PLXDC2: variants seen among roughly 807,000 people sequenced by gnomAD.
PLXDC2 encodes the protein plexin domain-containing protein 2.
A neutral mutation model predicts 68.9 loss-of-function variants in PLXDC2; 40 were observed. That is an observed-to-expected ratio of 0.58 (90% confidence interval 0.45 to 0.76). The LOEUF (loss-of-function observed/expected upper bound fraction) is 0.76, where lower values mean the gene tolerates loss of function less well. Among genes scored for constraint, PLXDC2 ranks in the 30% least tolerant of loss-of-function variants. PLXDC2 has a pLI of 0.00. For missense variants in PLXDC2, 644 were observed against 661.9 expected (o/e 0.97, Z 0.30); for synonymous variants, 243 against 234.2 (o/e 1.04, Z -0.34).
At chr10:20,247,752 C>G (rs1056481940) in intron 13 of PLXDC2, among the ~76,000 whole-genome samples, 22 of 152,192 alleles carry the variant, frequency 1.4e-4, no homozygotes, top group African/African-American at 5.3e-4. Context: ...AAATCACTTA[C>G]ATTTCCTTTG....
intron 12 of PLXDC2, among the ~76,000 whole-genome samples, chr10:20,244,701 T>C (rs569375408): frequency 1.1e-4 from 16 of 152,336 alleles, no homozygotes; most frequent in Non-Finnish European, 2.2e-4. Flanking sequence ...TTTCCATAGG[T>C]AACTTTGGTG....
chr10:20,035,036 T>G (rs1298320321), intron 2 of PLXDC2, among the ~76,000 whole-genome samples: 1 of 152,224 alleles, frequency 6.6e-6, no homozygotes, highest in African/African-American at 2.4e-5. Flanking sequence ...CTAATAGCAT[T>G]TTATAGTTTC....
intron 6 of PLXDC2, among the ~76,000 whole-genome samples, chr10:20,159,560 G>A (rs1238148888): frequency 1.3e-5 from 2 of 152,036 alleles, no homozygotes; most frequent in East Asian, 1.9e-4. Context: ...AGCAGCCAGC[G>A]TGATATTTTT....
At chr10:19,944,813 G>A (rs1833874884) in intron 1 of PLXDC2, among the ~76,000 whole-genome samples, 1 of 152,122 alleles carries the variant, frequency 6.6e-6, no homozygotes, top group Non-Finnish European at 1.5e-5. Context: ...ATAGCCAGGT[G>A]TGGTGGTGGG....
chr10:19,945,869 CT>C (rs762286231), intron 1 of PLXDC2, among the ~76,000 whole-genome samples: 1 of 152,178 alleles, frequency 6.6e-6, no homozygotes, highest in Non-Finnish European at 1.5e-5. Flanking sequence ...TTATATTATG[CT>C]GTTCTCTGTT....
At chr10:20,195,876 G>T (rs2131843344) in intron 9 of PLXDC2, among the ~76,000 whole-genome samples, 1 of 152,154 alleles carries the variant, frequency 6.6e-6, no homozygotes, top group East Asian at 1.9e-4. Context: ...AAAATCTACT[G>T]GTGACAGGAC....
rs900083384 is a variant in PLXDC2, at chr10:19,850,262, C to A, written c.112+33071C>A. ...TTATCTAACCTAGGAGAAAACTGCA[C>A]CTGCCTAACTGATAGGTTTTTTTTT... On this transcript the variant is annotated intron_variant, in intron 1 of 13. Coordinates refer to ENST00000377252, the MANE Select transcript of PLXDC2 (RefSeq NM_032812.9). Among the ~76,000 whole-genome samples the A allele has an allele frequency of 4.7e-5, 7 of 148,080 alleles. 1 individual carries two copies. The highest frequency in any genetic ancestry group is 1.8e-4 in the African/African-American group (7 of 38,788).
In PLXDC2 at chr10:20,030,095, T is replaced by C. The variant is rs7910811; in HGVS notation, c.325-16774T>C. Among the ~76,000 whole-genome samples, 430 of 152,264 alleles carry C rather than the reference T, an allele frequency of 2.8e-3. 6 individuals are homozygous for C. The highest frequency in any genetic ancestry group is 8.8e-3 in the African/African-American group (365 of 41,550). Reference sequence around the variant, plus strand: ...AAATGGATGCTACTTAAGAGTATTATGAAATAATGTCTCAACAAAGTGAAA... The same window carrying C: ...AAATGGATGCTACTTAAGAGTATTACGAAATAATGTCTCAACAAAGTGAAA... On this transcript the variant is annotated intron_variant, in intron 2 of 13. Coordinates refer to ENST00000377252, the MANE Select transcript of PLXDC2 (RefSeq NM_032812.9).
chr10:20,162,818 C>T (rs1834322668), intron 6 of PLXDC2, among the ~76,000 whole-genome samples: 1 of 149,410 alleles, frequency 6.7e-6, no homozygotes, highest in Admixed American at 6.8e-5. Flanking sequence ...AATCCCAGCA[C>T]TTTGGGAGGC....
Position 19,975,293 on chromosome 10 carries a change from A to C in PLXDC2, c.113-26482A>C, listed in dbSNP as rs59013640. ...CACGGTGAAACCCCGTCTCTACTAA[A>C]AAAAAATACAAAAAATTAGCTGGGC... On this transcript the variant is annotated intron_variant, in intron 1 of 13. Transcript: ENST00000377252. Among the ~76,000 whole-genome samples, 1,219 of 151,978 alleles carry C rather than the reference A, an allele frequency of 8.0e-3. 22 individuals carry two copies. Among genetic ancestry groups the C allele is most frequent in the African/African-American group, 0.028 (1,155 of 41,466 alleles).
chr10:19,909,891 G>A (rs917010063), intron 1 of PLXDC2, among the ~76,000 whole-genome samples: 3 of 152,148 alleles, frequency 2.0e-5, no homozygotes, highest in Admixed American at 1.3e-4. Context: ...TATGTTCAAT[G>A]TATTTCTAGA....
At chr10:20,207,588 T>A (rs1835009956) in intron 9 of PLXDC2, among the ~76,000 whole-genome samples, 2 of 152,166 alleles carry the variant, frequency 1.3e-5, no homozygotes, top group Admixed American at 1.3e-4. Context: ...AATTGATACA[T>A]CCCCATCTTC....
At chr10:20,080,485 T>TA (rs1280031768) in intron 4 of PLXDC2, among the ~76,000 whole-genome samples, 1 of 152,116 alleles carries the variant, frequency 6.6e-6, no homozygotes, top group Non-Finnish European at 1.5e-5. Context: ...ACCACTGGTG[T>TA]AAGTCCAAGA....
chr10:20,046,799 A>T, intron 2 of PLXDC2, 70 bp from the exon 3 acceptor site: 1 of 1,449,432 alleles, frequency 6.9e-7, no homozygotes. Context: ...TGAGTTCAAT[A>T]GGATTTTTTT....
Position 20,072,595 on chromosome 10 carries a change from T to C in PLXDC2, c.541+4356T>C, listed in dbSNP as rs566982533. Among the ~76,000 whole-genome samples, 7 of 149,816 alleles carry C rather than the reference T, an allele frequency of 4.7e-5. No individual in the cohort carries two copies. The East Asian group carries it at 1.2e-3, about 25-fold the overall frequency. ...AAATCTAGATGACATCCAGCAAGCA[T>C]TGGGTTTCTTAGAGAAGTAGATCTG... On this transcript the variant is annotated intron_variant, in intron 4 of 13. Transcript: ENST00000377252.
At chr10:19,853,726 A>G (rs1331148) in intron 1 of PLXDC2, among the ~76,000 whole-genome samples, 40,887 of 151,870 alleles carry the variant, frequency 0.27, 5,658 homozygotes, top group East Asian at 0.45. Flanking sequence ...GACACAGTAA[A>G]TGAAAGGCCA....
intron 1 of PLXDC2, among the ~76,000 whole-genome samples, chr10:19,944,503 A>C (rs1407598475): frequency 1.3e-5 from 2 of 152,204 alleles, no homozygotes; most frequent in Non-Finnish European, 2.9e-5. Flanking sequence ...AATTAAATTG[A>C]CAGAGTTTAA....
At chr10:20,144,495 C>G (rs145368122) in intron 5 of PLXDC2, among the ~76,000 whole-genome samples, 142 of 152,222 alleles carry the variant, frequency 9.3e-4, no homozygotes, top group African/African-American at 3.3e-3. Flanking sequence ...TGAGTAACAC[C>G]AAGGTATGAT....
At chr10:20,063,904 T>C (rs1836149764) in intron 3 of PLXDC2, among the ~76,000 whole-genome samples, 1 of 152,216 alleles carries the variant, frequency 6.6e-6, no homozygotes, top group Non-Finnish European at 1.5e-5. Context: ...TATGAAGACG[T>C]AATACTTTTT....
Sources: gnomAD v4.1 joint callset for allele counts (sites outside exome capture counted in the v4.1 genomes callset) on GRCh38, gnomAD v4.1.1 for gene constraint, MANE v1.5 for transcripts, NCBI Gene and HGNC (gene_info 2026-07-23, HGNC 2026-07-21) for gene names.